The following DRC7 variants were observed in gnomAD, a reference collection of about 807,000 sequenced individuals.
The protein encoded by DRC7 is coiled-coil domain containing 135.
DRC7 carries 80 observed loss-of-function variants against 104.4 expected under a neutral mutation model. The ratio of observed to expected loss-of-function variants is 0.77; its 90% confidence interval spans 0.64 to 0.92. The LOEUF is 0.92. Ranked by LOEUF, DRC7 falls within the 40% of genes least tolerant of loss-of-function variation. DRC7 has a pLI of 0.00. For synonymous variants in DRC7, 405 were observed against 447.3 expected (o/e 0.91, Z 1.19); for missense variants, 1,034 against 1,141.1 (o/e 0.91, Z 1.35).
In DRC7 at chr16:57,698,030, G is replaced by T. The variant is rs776688410; in HGVS notation, c.81G>T (p.Arg27Ser). The change falls in exon 3 of 19, where the codon AGG (arginine) becomes AGT (serine). Residue 27 changes from arginine to serine, a missense_variant. Physicochemically the swap from Arg to Ser is moderately radical, Grantham distance 110. Coordinates refer to ENST00000360716, the MANE Select transcript of DRC7 (RefSeq NM_001289162.2). ...EEAAEWAEWA[R>S]MEKMMRPVEV... is the part of the protein sequence containing the mutation. ...CGGCCGAGTGGGCTGAATGGGCGAG[G>T]ATGGAGAAAATGATGAGGCCAGTTG... 3.1e-6 allele frequency: 5 copies of T among 1,613,960 alleles called. No individual in the cohort carries two copies. In the Admixed American group the frequency reaches 8.3e-5, roughly 27 times the overall value.
intron 8 of DRC7, among the ~76,000 whole-genome samples, chr16:57,710,270 C>A (rs369480838): frequency 6.6e-6 from 1 of 152,134 alleles, no homozygotes; most frequent in East Asian, 1.9e-4. Flanking sequence ...CTAAATATTT[C>A]GCTTTTTGAT....
chr16:57,718,204 C>G (rs781558261), intron 8 of DRC7, 143 bp from the exon 9 acceptor site: 1 of 1,047,922 alleles, frequency 9.5e-7, no homozygotes, highest in Non-Finnish European at 1.4e-6. Flanking sequence ...TCAGAGCCAC[C>G]TGGGACTGAC....
rs1423182392 is a variant in DRC7, at chr16:57,711,625, G to A, written c.1077+3947G>A. Among the ~76,000 whole-genome samples, 4 of 152,226 alleles carry A rather than the reference G, an allele frequency of 2.6e-5. No homozygotes were observed. In the East Asian group the frequency reaches 5.8e-4, roughly 22 times the overall value. On this transcript the variant is annotated intron_variant, in intron 8 of 18. Coordinates refer to ENST00000360716, the MANE Select transcript of DRC7 (RefSeq NM_001289162.2). ...AGCTGCCTAGACAGAGCTGATTCAA[G>A]ACTGGGGAATTGCAATAGAGAAAGA...
chr16:57,718,302 G>T, intron 8 of DRC7, 45 bp from the exon 9 acceptor site: 2 of 1,603,086 alleles, frequency 1.2e-6, no homozygotes, highest in African/African-American at 1.3e-5. Context: ...GTGGGGACGT[G>T]GTGGCTGTGG....
intron 3 of DRC7, among the ~76,000 whole-genome samples, chr16:57,698,574 C>T (rs370322748): frequency 6.6e-6 from 1 of 152,080 alleles, no homozygotes; most frequent in East Asian, 1.9e-4. Context: ...CCTATAGTCC[C>T]AGCTACTTGG....
intron 17 of DRC7, among the ~76,000 whole-genome samples, chr16:57,730,029 A>G (rs2049038515): frequency 9.2e-6 from 1 of 108,338 alleles, no homozygotes; most frequent in Non-Finnish European, 1.8e-5. Flanking sequence ...TGGATGGATG[A>G]GTGGAAGGAC....
In DRC7 at chr16:57,731,033, A is replaced by G. The variant is rs757591142; in HGVS notation, c.2494A>G (p.Met832Val). The G allele has an allele frequency of 1.2e-6, 2 of 1,613,576 alleles. No individual in the cohort carries two copies. Among genetic ancestry groups the G allele is most frequent in the African/African-American group, 2.7e-5 (2 of 74,926 alleles). ...DLYLSYCSQAMFRIRILEQRL... is the reference protein window; with the variant it reads ...DLYLSYCSQAVFRIRILEQRL... ...GTACCTGAGTTACTGCTCTCAGGCC[A>G]TGTTCCGCATCCGCATCCTGGAGCA... is the stretch of plus-strand genomic sequence containing the variant. The change falls in exon 18 of 19, where the codon ATG becomes GTG. Residue 832 changes from methionine (M) to valine (V), a missense_variant. Met to Val is a conservative substitution (Grantham distance 21). Transcript: ENST00000360716.
chr16:57,715,781 C>T (rs2048836443), intron 8 of DRC7, among the ~76,000 whole-genome samples: 1 of 152,188 alleles, frequency 6.6e-6, no homozygotes, highest in Admixed American at 6.5e-5. Flanking sequence ...GGTCGGTGTC[C>T]TCTGAAGGAT....
intron 7 of DRC7, among the ~76,000 whole-genome samples, chr16:57,705,825 CCCAT>C (rs1454379557): frequency 2.4e-5 from 3 of 124,708 alleles, no homozygotes; most frequent in Non-Finnish European, 5.0e-5. Context: ...CATCCATCCT[CCCAT>C]CCATCCATCC....
Position 57,701,995 on chromosome 16 carries a change from C to A in DRC7, c.564C>A (p.Asp188Glu), listed in dbSNP as rs2048663818. 1.9e-6 allele frequency: 3 copies of A among 1,614,096 alleles called. No homozygotes were observed. The African/African-American group carries it at 4.0e-5, about 22-fold the overall frequency. The change falls in exon 6 of 19, where the codon GAC becomes GAA. Residue 188 changes from aspartate to glutamate, a missense_variant. Asp to Glu is a conservative substitution (Grantham distance 45). Coordinates refer to ENST00000360716, the MANE Select transcript of DRC7 (RefSeq NM_001289162.2). ...VLKYQKGNCFDFSTLLCSMLI... is the reference protein window; with the variant it reads ...VLKYQKGNCFEFSTLLCSMLI... The stretch of plus-strand genomic sequence containing the variant: ...AGTACCAGAAGGGGAACTGCTTTGA[C>A]TTCAGTACGCTGCTCTGCTCCATGC...
rs375229537 is a variant in DRC7, at chr16:57,730,939, G to A, written c.2400G>A (p.Gln800=). ...CTGCCCTATGACCACAGGAGACCCA[G>A]GAGCTGCAAAAGAAGCAGCAGTGGT... ...LIQARFEKET[Q]ELQKKQQWYQ... The change falls in exon 18 of 19, where the codon CAG becomes CAA. Residue 800 remains glutamine (Q), a synonymous_variant. Transcript: ENST00000360716. 1.2e-6 allele frequency: 2 copies of A among 1,613,328 alleles called. No homozygotes were observed. The highest frequency in any genetic ancestry group is 1.7e-4 in the Middle Eastern group (1 of 6,056).
At chr16:57,696,984 C>T (rs2048599133) in intron 2 of DRC7, among the ~76,000 whole-genome samples, 1 of 152,194 alleles carries the variant, frequency 6.6e-6, no homozygotes, top group South Asian at 2.1e-4. Flanking sequence ...GCGATCTCAA[C>T]TTACTGCAAC....
intron 14 of DRC7, chr16:57,726,593 G>T (rs981102686): frequency 5.4e-6 from 3 of 556,390 alleles, no homozygotes; most frequent in African/African-American, 1.9e-5. Flanking sequence ...CCTCTGAGGG[G>T]CTAGCTTTCC....
intron 15 of DRC7, 101 bp downstream of exon 15, chr16:57,727,043 C>T: frequency 1.3e-6 from 1 of 767,952 alleles, no homozygotes; most frequent in Non-Finnish European, 2.2e-6. Context: ...GCAATTATGG[C>T]TCTACATCCC....
chr16:57,706,202 A>C, intron 7 of DRC7, among the ~76,000 whole-genome samples: 3 of 112,586 alleles, frequency 2.7e-5, no homozygotes, highest in South Asian at 3.1e-4. Context: ...CTATCCTCCC[A>C]TCCACCCATC....
intron 8 of DRC7, among the ~76,000 whole-genome samples, chr16:57,718,087 G>A (rs2048862668): frequency 6.6e-6 from 1 of 152,214 alleles, no homozygotes; most frequent in Admixed American, 6.5e-5. Context: ...TTTCACAGAG[G>A]TCAACACGAG....
rs1454972563 is a variant in DRC7 at position 57,705,143 on chromosome 16, TAGGTCCACCTCACAATCACCCCCAAC to T, written c.858+110_858+135del. The T allele has an allele frequency of 2.5e-6, 3 of 1,216,554 alleles. No homozygotes were observed. In the African/African-American group the frequency reaches 4.6e-5, roughly 19 times the overall value. The allele number at this position is 1,216,554 out of a possible 1,614,324, so 75.4% of individuals were successfully genotyped here. On this transcript the variant is annotated intron_variant, in intron 7 of 18. Transcript: ENST00000360716. Reference sequence around the variant, plus strand: ...GGGATGTGTGTATGGACCCCCCAACTAGGTCCACCTCACAATCACCCCCAACCTCTACCTGGCCCTGCAGGAATCTC... The same window carrying T: ...GGGATGTGTGTATGGACCCCCCAACTCTCTACCTGGCCCTGCAGGAATCTC...
chr16:57,718,199 G>C (rs530345943), intron 8 of DRC7, 148 bp from the exon 9 acceptor site: 2 of 979,586 alleles, frequency 2.0e-6, no homozygotes, highest in East Asian at 2.6e-5. Flanking sequence ...GACTCTCAGA[G>C]CCACCTGGGA....
Position 57,721,690 on chromosome 16 carries a change from C to T in DRC7, c.1230C>T (p.Ser410=), listed in dbSNP as rs780121503. 2 of 1,613,852 alleles carry T rather than the reference C, an allele frequency of 1.2e-6. No individual in the cohort carries two copies. The highest frequency in any genetic ancestry group is 2.7e-5 in the African/African-American group (2 of 74,922). ...AGGGCAAGGAGGATGAGGATAAGAG[C>T]TTCGACATGCCCCACTCGTGGGTGG... is the stretch of plus-strand genomic sequence containing the variant. The part of the protein sequence containing the change: ...ENLGKEDEDK[S]FDMPHSWVEQ... Residue 410 remains serine (S), a synonymous_variant, in exon 10 of 19, where the codon AGC becomes AGT. Transcript: ENST00000360716.
Sources: allele counts gnomAD v4.1 joint callset (sites outside exome capture counted in the v4.1 genomes callset), GRCh38; gene constraint gnomAD v4.1.1; transcripts MANE v1.5; gene names NCBI Gene and HGNC (gene_info 2026-07-23, HGNC 2026-07-21).